The following C4orf33 variants were observed in gnomAD, a reference collection of about 807,000 sequenced individuals.
C4orf33 encodes the protein UPF0462 protein C4orf33.
A neutral mutation model predicts 24.3 loss-of-function variants in C4orf33; 20 were observed. That is an observed-to-expected ratio of 0.82 (90% CI 0.58 to 1.19). C4orf33 has a LOEUF of 1.19. Ranked by LOEUF, C4orf33 falls within the 50% of genes most tolerant of loss-of-function variation. The probability of loss-of-function intolerance (pLI) is 0.00; values close to 1 mark genes in which losing one functional copy is unlikely to be tolerated. For missense variants in C4orf33, 207 were observed against 225.9 expected, an observed-to-expected ratio of 0.92 and a Z score of 0.54; for synonymous variants, 67 against 76.4, an observed-to-expected ratio of 0.88 and a Z score of 0.64.
At chr4:129,095,236 A>G (rs1028435067), upstream of C4orf33, among the ~76,000 whole-genome samples, 4 of 152,088 alleles carry the variant, frequency 2.6e-5, no homozygotes, top group African/African-American at 7.2e-5. Context: ...TCCTTAAAGG[A>G]TCCCCTCTCA....
intron 1 of C4orf33, chr4:129,100,576 ACATAGAATTGATTGCCTGAATGTG>A (rs1753323359): frequency 6.6e-6 from 1 of 152,186 alleles, no homozygotes; most frequent in African/African-American, 2.4e-5. Context: ...TTCCATTTAG[ACATAGAATTGATTGCCTGAATGTG>A]CTGGGAATTA....
At chr4:129,101,192 C>T (rs1699392) in intron 1 of C4orf33, among the ~76,000 whole-genome samples, 107,012 of 151,512 alleles carry the variant, frequency 0.71, 40,201 homozygotes, top group South Asian at 0.89. Context: ...AAAAGCTATA[C>T]GTTTTAGAGA....
rs1753775902 is a variant in C4orf33 at position 129,116,319 on chromosome 4, T to C, written c.*4528T>C. 1 of 152,210 alleles carries C rather than the reference T, an allele frequency of 6.6e-6. No individual in the cohort carries two copies. Among genetic ancestry groups the C allele is most frequent in the Admixed American group, 6.5e-5 (1 of 15,274 alleles). 9.4% of individuals were successfully genotyped at this position (152,210 alleles called of 1,614,324 possible). Reference sequence around the variant, plus strand: ...ACTACTTATTTGAATTACAATGAAATAATATATAGCTACATCACTGGCTCC... The same window carrying C: ...ACTACTTATTTGAATTACAATGAAACAATATATAGCTACATCACTGGCTCC... On this transcript the variant is annotated 3_prime_UTR_variant, in exon 6 of 6. Coordinates refer to ENST00000425929, the MANE Select transcript of C4orf33 (RefSeq NM_001099783.2).
intron 2 of C4orf33, 26 bp from the exon 3 acceptor site, chr4:129,106,561 A>G: frequency 8.4e-7 from 1 of 1,186,968 alleles, no homozygotes; most frequent in Non-Finnish European, 1.2e-6. Flanking sequence ...AAATATCTCA[A>G]TATGTTATAT....
chr4:129,098,055 A>C (rs1580005156), intron 1 of C4orf33, among the ~76,000 whole-genome samples: 1 of 152,284 alleles, frequency 6.6e-6, no homozygotes, highest in East Asian at 1.9e-4. Flanking sequence ...ATCAAGTATG[A>C]ATTGCATATA....
chr4:129,109,738 G>A, intron 5 of C4orf33, 66 bp downstream of exon 5: 1 of 1,306,026 alleles, frequency 7.7e-7, no homozygotes, highest in Non-Finnish European at 1.1e-6. Flanking sequence ...ATTCTTAGTG[G>A]AGCAGAAGTA....
intron 3 of C4orf33, among the ~76,000 whole-genome samples, 161 bp from the exon 4 acceptor site, chr4:129,109,146 C>A (rs956411344): frequency 2.0e-5 from 3 of 152,236 alleles, no homozygotes; most frequent in Non-Finnish European, 2.9e-5. Context: ...GCCTTGGCCT[C>A]CCAAAGTGCT....
rs150708829 is a variant in C4orf33 at position 129,098,293 on chromosome 4, T to C, written c.-10+2084T>C. Among the ~76,000 whole-genome samples the C allele has an allele frequency of 3.5e-4, 53 of 152,232 alleles. 1 individual carries two copies. Among genetic ancestry groups the C allele is most frequent in the African/African-American group, 1.2e-3 (49 of 41,532 alleles). On this transcript the variant is annotated intron_variant, in intron 1 of 5. Coordinates refer to ENST00000425929, the MANE Select transcript of C4orf33 (RefSeq NM_001099783.2). ...CCTGGGTAGTGAGCATAGTACCCAG[T>C]AGTTAGTTTTTCAACCCTTGCCCCT...
Position 129,102,908 on chromosome 4 carries a change from C to T in C4orf33, c.181+117C>T, listed in dbSNP as rs1753404148. On this transcript the variant is annotated intron_variant, in intron 2 of 5. Coordinates refer to ENST00000425929, the MANE Select transcript of C4orf33 (RefSeq NM_001099783.2). ...AGTGCTTCTGAGCAATTGACATGTA[C>T]AGTTTCTGATATTTCCTACCAATCT... 4 of 819,628 alleles carry T rather than the reference C, an allele frequency of 4.9e-6. No individual in the cohort carries two copies. In the Admixed American group the frequency reaches 1.2e-4, roughly 24 times the overall value. 50.8% of individuals were successfully genotyped at this position (819,628 alleles called of 1,614,324 possible).
intron 1 of C4orf33, among the ~76,000 whole-genome samples, chr4:129,097,003 G>T (rs576194590): frequency 6.6e-6 from 1 of 152,270 alleles, no homozygotes; most frequent in East Asian, 1.9e-4. Flanking sequence ...TCCGCCTCCG[G>T]GTTCAAGCGA....
At chr4:129,099,733 A>G (rs1753299812) in intron 1 of C4orf33, among the ~76,000 whole-genome samples, 1 of 152,228 alleles carries the variant, frequency 6.6e-6, no homozygotes, top group African/African-American at 2.4e-5. Flanking sequence ...ATGTTCAAAT[A>G]CAAAGAAATT....
intron 5 of C4orf33, 52 bp downstream of exon 5, chr4:129,109,724 A>G: frequency 2.0e-6 from 3 of 1,465,928 alleles, no homozygotes; most frequent in Non-Finnish European, 2.8e-6. Context: ...TTTTTTCGAA[A>G]TTAATTCTTA....
rs1753697726 is a variant in C4orf33 at position 129,111,766 on chromosome 4, G to A, written c.575G>A (p.Trp192Ter). The change falls in exon 6 of 6, where the codon TGG (tryptophan) becomes TAG (stop). Residue 192 changes from tryptophan to a stop codon, truncating the protein, a stop_gained. Transcript: ENST00000425929. LOFTEE classifies it high-confidence loss of function. ...EEWKQPESDL[W>*]LIEKCDI ...TGGAAACAACCGGAATCAGACCTGT[G>A]GCTAATAGAGAAATGTGATATATAG... 6.2e-7 allele frequency: 1 copy of A among 1,608,748 alleles called. No individual in the cohort carries two copies. The highest frequency in any genetic ancestry group is 1.1e-5 in the South Asian group (1 of 90,808).
At chr4:129,105,298 A>T (rs1753483687) in intron 2 of C4orf33, among the ~76,000 whole-genome samples, 1 of 152,082 alleles carries the variant, frequency 6.6e-6, no homozygotes, top group Non-Finnish European at 1.5e-5. Context: ...AAGACCTTAA[A>T]CTGATTGGAT....
Position 129,109,603 on chromosome 4 carries a change from A to G in C4orf33, c.425A>G (p.Asp142Gly). 7.4e-6 allele frequency: 12 copies of G among 1,614,122 alleles called. No homozygotes were observed. The highest frequency in any genetic ancestry group is 6.8e-6 in the Non-Finnish European group (8 of 1,180,004). The change falls in exon 5 of 6, where the codon GAT (aspartate) becomes GGT (glycine). Residue 142 changes from aspartate to glycine, a missense_variant. Physicochemically the swap from Asp to Gly is moderately conservative, Grantham distance 94. Transcript: ENST00000425929. ...FNSFAIHGSK[D>G]KRSYEALYPV... ...TCATTTGCAATTCATGGATCAAAAG[A>G]TAAACGAAGTTATGAAGCTCTTTAC...
At position 129,115,832 on chromosome 4, in the gene C4orf33, A is replaced by ATATATATAAT. The variant is rs1561095064; in HGVS notation, c.*4041_*4042insTATATATAAT. ...TATATATATATATATATATATATAA[A>ATATATATAAT]ATATATATGTTTATATATAACATAT... On this transcript the variant is annotated 3_prime_UTR_variant, in exon 6 of 6. Coordinates refer to ENST00000425929, the MANE Select transcript of C4orf33 (RefSeq NM_001099783.2). The ATATATATAAT allele has an allele frequency of 3.8e-5, 3 of 79,918 alleles. No individual in the cohort carries two copies. Among genetic ancestry groups the ATATATATAAT allele is most frequent in the African/African-American group, 1.1e-4 (2 of 18,580 alleles). 5.0% of individuals were successfully genotyped at this position (79,918 alleles called of 1,614,324 possible).
upstream of C4orf33, among the ~76,000 whole-genome samples, chr4:129,094,913 T>C (rs1282160492): frequency 6.6e-6 from 1 of 152,192 alleles, no homozygotes; most frequent in Non-Finnish European, 1.5e-5. Context: ...GAACCTTGTA[T>C]ATTGTCGTAT....
intron 2 of C4orf33, chr4:129,103,001 C>T: frequency 2.6e-6 from 1 of 387,816 alleles, no homozygotes; most frequent in Non-Finnish European, 4.5e-6. Flanking sequence ...TAAAAAATGG[C>T]AATTACAAAT....
chr4:129,111,582 G>A (rs1753691303), intron 5 of C4orf33, 104 bp from the exon 6 acceptor site: 1 of 630,280 alleles, frequency 1.6e-6, no homozygotes, highest in Non-Finnish European at 2.8e-6. Flanking sequence ...GCTTAAAATA[G>A]AATGTTGTAT....
Sources: gnomAD v4.1 joint callset for allele counts (sites outside exome capture counted in the v4.1 genomes callset) on GRCh38, gnomAD v4.1.1 for gene constraint, MANE v1.5 for transcripts, NCBI Gene and HGNC (gene_info 2026-07-23, HGNC 2026-07-21) for gene names.